The following KCNN3 variants were observed in gnomAD, a reference collection of about 807,000 sequenced individuals.
KCNN3 encodes the protein potassium calcium-activated channel subfamily N member 3.
KCNN3 carries 16 observed loss-of-function variants against 62.9 expected under a neutral mutation model. That is an observed-to-expected ratio of 0.25 (90% confidence interval 0.17 to 0.39). The LOEUF (loss-of-function observed/expected upper bound fraction) is 0.39. Ranked by LOEUF, KCNN3 falls within the 10% of genes least tolerant of loss-of-function variation. The pLI is 1.00. For synonymous variants in KCNN3, 370 were observed against 389.2 expected, an observed-to-expected ratio of 0.95 and a Z score of 0.58; for missense variants, 599 against 949.4, an observed-to-expected ratio of 0.63 and a Z score of 4.85.
At chr1:154,749,988 G>T (rs1417570673) in intron 3 of KCNN3, among the ~76,000 whole-genome samples, 1 of 152,194 alleles carries the variant, frequency 6.6e-6, no homozygotes, top group African/African-American at 2.4e-5. Flanking sequence ...GTGGGCTCTG[G>T]CCAAGTGAAG....
chr1:154,716,849 C>T (rs1700242007), intron 5 of KCNN3, among the ~76,000 whole-genome samples: 2 of 152,222 alleles, frequency 1.3e-5, no homozygotes, highest in South Asian at 2.1e-4. Context: ...GCAAAAAAGG[C>T]GGCACGGAAG....
chr1:154,844,670 T>G (rs1651975677), intron 1 of KCNN3, among the ~76,000 whole-genome samples: 1 of 42,272 alleles, frequency 2.4e-5, no homozygotes, highest in Non-Finnish European at 6.6e-5. Flanking sequence ...AATAAGGCTA[T>G]CGGGTTGGAA....
intron 1 of KCNN3, among the ~76,000 whole-genome samples, chr1:154,833,326 A>ACCGC (rs1651448691): frequency 6.6e-6 from 1 of 152,160 alleles, no homozygotes; most frequent in East Asian, 1.9e-4. Flanking sequence ...GAGAAAAACA[A>ACCGC]CCGCCTGCAG....
chr1:154,753,818 A>C (rs1647504462), intron 3 of KCNN3, among the ~76,000 whole-genome samples: 1 of 152,202 alleles, frequency 6.6e-6, no homozygotes, highest in South Asian at 2.1e-4. Flanking sequence ...GACCAGGCTT[A>C]CTTCCTATCT....
At chr1:154,754,774 T>C (rs946202471) in intron 3 of KCNN3, among the ~76,000 whole-genome samples, 1 of 152,170 alleles carries the variant, frequency 6.6e-6, no homozygotes, top group African/African-American at 2.4e-5. Context: ...TTCTTTGGCG[T>C]CAGACAGAAC....
intron 3 of KCNN3, among the ~76,000 whole-genome samples, chr1:154,746,564 C>A (rs1381217275): frequency 6.6e-6 from 1 of 152,060 alleles, no homozygotes; most frequent in East Asian, 1.9e-4. Flanking sequence ...TTGCCCCTCT[C>A]TGTTCTTTCT....
At chr1:154,835,406 G>A (rs996894130) in intron 1 of KCNN3, among the ~76,000 whole-genome samples, 7 of 152,018 alleles carry the variant, frequency 4.6e-5, no homozygotes, top group African/African-American at 1.5e-4. Context: ...CCCCCTTCCC[G>A]CCCTCTGCCC....
chr1:154,744,343 C>T (rs957370510), intron 3 of KCNN3, among the ~76,000 whole-genome samples: 4 of 152,212 alleles, frequency 2.6e-5, no homozygotes, highest in Admixed American at 1.3e-4. Context: ...AGCTCCAGTG[C>T]GTAACTGACC....
At chr1:154,835,437 A>T (rs983234119) in intron 1 of KCNN3, among the ~76,000 whole-genome samples, 3 of 152,130 alleles carry the variant, frequency 2.0e-5, no homozygotes, top group East Asian at 1.9e-4. Context: ...CAGCTTCCAC[A>T]CCCACTATGT....
intron 5 of KCNN3, among the ~76,000 whole-genome samples, chr1:154,717,592 G>A (rs1700257781): frequency 6.6e-6 from 1 of 151,214 alleles, no homozygotes; most frequent in Non-Finnish European, 1.5e-5. Flanking sequence ...ACTTAGCAAT[G>A]TGACAGAACA....
chr1:154,744,703 C>T (rs1700900557), intron 3 of KCNN3, among the ~76,000 whole-genome samples: 1 of 152,156 alleles, frequency 6.6e-6, no homozygotes, highest in Admixed American at 6.5e-5. Context: ...TATCAAGTAC[C>T]TTCAGCATGC....
chr1:154,731,103 C>T (rs1179556359), intron 4 of KCNN3, among the ~76,000 whole-genome samples: 3 of 152,190 alleles, frequency 2.0e-5, no homozygotes, highest in South Asian at 2.1e-4. Flanking sequence ...GCCCATCCAC[C>T]TACTGGCAAC....
At chr1:154,713,370 T>C in intron 7 of KCNN3, 94 bp downstream of exon 7, 1 of 986,366 alleles carries the variant, frequency 1.0e-6, no homozygotes, top group Non-Finnish European at 1.6e-6. Context: ...GGTCCCGCGC[T>C]GTCCAGTGCG....
At chr1:154,778,299 A>G (rs1648875631) in intron 2 of KCNN3, among the ~76,000 whole-genome samples, 1 of 152,270 alleles carries the variant, frequency 6.6e-6, no homozygotes, top group South Asian at 2.1e-4. Flanking sequence ...TATAATAATT[A>G]TTAAGAATCA....
At chr1:154,798,598 T>A (rs1649830682) in intron 2 of KCNN3, among the ~76,000 whole-genome samples, 1 of 152,170 alleles carries the variant, frequency 6.6e-6, no homozygotes. Context: ...ACTAATGTAG[T>A]AATAAGAGCA....
At chr1:154,845,481 C>T (rs1048223918) in intron 1 of KCNN3, among the ~76,000 whole-genome samples, 9 of 152,204 alleles carry the variant, frequency 5.9e-5, no homozygotes, top group Non-Finnish European at 1.2e-4. Flanking sequence ...CCTACACCCC[C>T]GGGCCCAAGA....
intron 2 of KCNN3, among the ~76,000 whole-genome samples, chr1:154,812,135 C>T (rs184259915): frequency 2.0e-5 from 3 of 152,290 alleles, no homozygotes; most frequent in South Asian, 2.1e-4. Context: ...GATTGAGAAC[C>T]GCTGCCACGG....
chr1:154,796,268 C>T (rs1020948018), intron 2 of KCNN3, among the ~76,000 whole-genome samples: 10 of 152,204 alleles, frequency 6.6e-5, no homozygotes, highest in Admixed American at 6.5e-4. Context: ...AAGAGTCTGG[C>T]CTCCCAGGAC....
At chr1:154,849,001 T>C (rs1431097700) in intron 1 of KCNN3, among the ~76,000 whole-genome samples, 1 of 152,132 alleles carries the variant, frequency 6.6e-6, no homozygotes, top group African/African-American at 2.4e-5. Context: ...TTCAATATAT[T>C]GGTACAGACC....
Sources: allele counts gnomAD v4.1 joint callset (sites outside exome capture counted in the v4.1 genomes callset), GRCh38; gene constraint gnomAD v4.1.1; transcripts MANE v1.5; gene names NCBI Gene and HGNC (gene_info 2026-07-23, HGNC 2026-07-21).